GPC6: variants seen among roughly 807,000 people sequenced by gnomAD.
GPC6 encodes the protein glypican 6, also known as glypican-6.
GPC6 carries 14 observed loss-of-function variants against 55.2 expected under a neutral mutation model. That is an observed-to-expected ratio of 0.25 (90% CI 0.17 to 0.40). GPC6 has a LOEUF of 0.40. Among genes scored for constraint, GPC6 ranks in the 10% least tolerant of loss-of-function variants. The pLI, the probability that GPC6 is intolerant of heterozygous loss-of-function variation, is 1.00. For synonymous variants in GPC6, 278 were observed against 259.6 expected, an observed-to-expected ratio of 1.07 and a Z score of -0.68; for missense variants, 641 against 708.5, an observed-to-expected ratio of 0.90 and a Z score of 1.08.
At chr13:94,295,238 A>G (rs188162738) in intron 5 of GPC6, among the ~76,000 whole-genome samples, 2 of 152,266 alleles carry the variant, frequency 1.3e-5, no homozygotes, top group Admixed American at 1.3e-4. Context: ...TATAGTACCT[A>G]CTCATAAGGT....
In GPC6 at chr13:93,784,810, G is replaced by A. The variant is rs116480751; in HGVS notation, c.320-45344G>A. ...AATGAATGGCTGATTGTGATATGGT[G>A]CCTCAACACATGTACAAATAACCAC... On this transcript the variant is annotated intron_variant, in intron 2 of 8. Transcript: ENST00000377047. Among the ~76,000 whole-genome samples the A allele has an allele frequency of 8.0e-3, 1,215 of 152,260 alleles. 15 individuals are homozygous for A. Among genetic ancestry groups the A allele is most frequent in the African/African-American group, 0.027 (1,105 of 41,550 alleles).
At chr13:94,206,289 T>G (rs1298722164) in intron 4 of GPC6, among the ~76,000 whole-genome samples, 1 of 152,182 alleles carries the variant, frequency 6.6e-6, no homozygotes, top group Non-Finnish European at 1.5e-5. Flanking sequence ...CTTGTTTGTG[T>G]CTCTTTTTTC....
intron 1 of GPC6, among the ~76,000 whole-genome samples, chr13:93,503,313 T>C (rs184143674): frequency 6.6e-6 from 1 of 152,356 alleles, no homozygotes; most frequent in Admixed American, 6.5e-5. Context: ...TATTTGTTGC[T>C]GTGGGTCTGG....
intron 6 of GPC6, among the ~76,000 whole-genome samples, chr13:94,328,560 T>C (rs1877243089): frequency 6.6e-6 from 1 of 152,248 alleles, no homozygotes; most frequent in African/African-American, 2.4e-5. Context: ...CTGACATCAC[T>C]GCTCTGTGTT....
At chr13:94,324,782 T>C (rs967737037) in intron 6 of GPC6, among the ~76,000 whole-genome samples, 1 of 152,070 alleles carries the variant, frequency 6.6e-6, no homozygotes, top group African/African-American at 2.4e-5. Context: ...AGTTCCAGAT[T>C]GAAGCAGAAT....
chr13:93,424,556 A>G (rs1428966449), intron 1 of GPC6, among the ~76,000 whole-genome samples: 1 of 151,960 alleles, frequency 6.6e-6, no homozygotes, highest in East Asian at 1.9e-4. Flanking sequence ...ACTGAACTCT[A>G]AAAATCTTTT....
At chr13:94,052,886 C>G (rs2225228) in intron 4 of GPC6, among the ~76,000 whole-genome samples, 18,917 of 151,984 alleles carry the variant, frequency 0.12, 1,589 homozygotes, top group East Asian at 0.37. Flanking sequence ...GGAAAGCTCC[C>G]CTTTCTGTAC....
chr13:93,909,041 T>C (rs1876823901), intron 3 of GPC6, among the ~76,000 whole-genome samples: 1 of 152,228 alleles, frequency 6.6e-6, no homozygotes, highest in African/African-American at 2.4e-5. Context: ...ATTATCTTTC[T>C]GTCTTTTACA....
In GPC6 at chr13:93,525,398, G is replaced by A. The variant is rs138667762; in HGVS notation, c.161-19865G>A. 4.8e-3 allele frequency among the ~76,000 whole-genome samples: 725 copies of A among 152,080 alleles called. 4 individuals are homozygous for A. Among genetic ancestry groups the A allele is most frequent in the African/African-American group, 0.017 (687 of 41,514 alleles). ...CCCAATTGTCTAAGAGCATGTGTTT[G>A]GAAAAGAAAATAAACCTGAGTGTCA... On this transcript the variant is annotated intron_variant, in intron 1 of 8. Coordinates refer to ENST00000377047, the MANE Select transcript of GPC6 (RefSeq NM_005708.5).
chr13:94,376,562 A>G (rs1316662458), intron 6 of GPC6, among the ~76,000 whole-genome samples: 2 of 149,732 alleles, frequency 1.3e-5, no homozygotes, highest in African/African-American at 2.4e-5. Flanking sequence ...ATACAAACAA[A>G]TGGAAGAACA....
At chr13:94,180,937 G>A (rs1006513071) in intron 4 of GPC6, among the ~76,000 whole-genome samples, 5 of 152,054 alleles carry the variant, frequency 3.3e-5, no homozygotes, top group Non-Finnish European at 7.4e-5. Flanking sequence ...ATGTATTACA[G>A]CAATGGTTCT....
chr13:94,169,932 G>A (rs1051986291), intron 4 of GPC6, among the ~76,000 whole-genome samples: 1 of 152,168 alleles, frequency 6.6e-6, no homozygotes, highest in Non-Finnish European at 1.5e-5. Flanking sequence ...AGGGAAGTTG[G>A]ATGAGAAGTG....
At chr13:94,007,600 G>C (rs546665562) in intron 3 of GPC6, among the ~76,000 whole-genome samples, 1 of 152,202 alleles carries the variant, frequency 6.6e-6, no homozygotes, top group South Asian at 2.1e-4. Context: ...GTGTTGTTTG[G>C]TCTTTGTCGT....
intron 1 of GPC6, among the ~76,000 whole-genome samples, chr13:93,479,168 C>G (rs1282531468): frequency 1.3e-5 from 2 of 152,132 alleles, no homozygotes; most frequent in African/African-American, 2.4e-5. Flanking sequence ...TCTTGGGAAA[C>G]TATTACCAAT....
rs533136093 is a variant in GPC6 at position 93,498,965 on chromosome 13, C to G, written c.161-46298C>G. Among the ~76,000 whole-genome samples the G allele has an allele frequency of 7.9e-5, 12 of 152,118 alleles. 1 individual carries two copies. The highest frequency in any genetic ancestry group is 2.9e-4 in the African/African-American group (12 of 41,496). ...GGATCTAAAGTGCCTATATAGAAAG[C>G]CTTGTGTTTTAATTTTATTTCTATG... On this transcript the variant is annotated intron_variant, in intron 1 of 8. Transcript: ENST00000377047.
chr13:93,620,158 T>G (rs1878891045), intron 2 of GPC6, among the ~76,000 whole-genome samples: 1 of 152,148 alleles, frequency 6.6e-6, no homozygotes, highest in African/African-American at 2.4e-5. Context: ...AATCGTTTAG[T>G]AAGATGTTCT....
At chr13:94,350,075 TTG>T (rs367555548) in intron 6 of GPC6, among the ~76,000 whole-genome samples, 21 of 150,096 alleles carry the variant, frequency 1.4e-4, no homozygotes, top group Admixed American at 3.3e-4. Flanking sequence ...TATATATCTT[TTG>T]TGTGTGTGTG....
At position 94,403,872 on chromosome 13, in the gene GPC6, G is replaced by C. The variant is rs192537500; in HGVS notation, c.*655G>C. 2 of 157,210 alleles carry C rather than the reference G, an allele frequency of 1.3e-5. No individual in the cohort carries two copies. The highest frequency in any genetic ancestry group is 2.8e-5 in the Non-Finnish European group (2 of 70,904). The allele number at this position is 157,210 out of a possible 1,614,324, so 9.7% of individuals were successfully genotyped here. A position where few individuals can be genotyped will look rare whatever the true frequency, so the allele number is the denominator to read the frequency against. On this transcript the variant is annotated 3_prime_UTR_variant, in exon 9 of 9. Transcript: ENST00000377047. ...GTACTGATACTAAATTTGGAATCCC[G>C]TCTTTAATATGAGAACACAAATTAC...
intron 6 of GPC6, among the ~76,000 whole-genome samples, chr13:94,360,414 C>G (rs1422844395): frequency 1.3e-5 from 2 of 152,088 alleles, no homozygotes; most frequent in Admixed American, 6.6e-5. Flanking sequence ...GGGCAAATAG[C>G]ATTTGATTCA....
Sources: gnomAD v4.1 joint callset for allele counts (sites outside exome capture counted in the v4.1 genomes callset) on GRCh38, gnomAD v4.1.1 for gene constraint, MANE v1.5 for transcripts, NCBI Gene and HGNC (gene_info 2026-07-23, HGNC 2026-07-21) for gene names.